Variants in FGF13 observed in about 807,000 individuals in gnomAD.
The protein encoded by FGF13 is fibroblast growth factor homologous factor 2.
Under a neutral mutation model 19.5 loss-of-function variants are expected in FGF13, and 2 were observed. That is an observed-to-expected ratio of 0.10 (90% confidence interval 0.04 to 0.32). The LOEUF is 0.32. FGF13 is among the 10% of genes least tolerant of loss of function. The pLI is 1.00. For missense variants in FGF13, 113 were observed against 192.7 expected (o/e 0.59, Z 2.45); for synonymous variants, 72 against 76.9 (o/e 0.94, Z 0.33).
chrX:139,021,124 C>T (rs1045177960), intron 1 of FGF13, among the ~76,000 whole-genome samples: 7 of 110,598 alleles, frequency 6.3e-5, no homozygotes, highest in African/African-American at 2.3e-4. Context: ...AGGCCAGCAA[C>T]CAAAAATAAT....
intron 1 of FGF13, among the ~76,000 whole-genome samples, chrX:138,923,780 T>C (rs1217781540): frequency 8.9e-6 from 1 of 111,971 alleles, no homozygotes; most frequent in Non-Finnish European, 1.9e-5. Flanking sequence ...TCTGGGCCTC[T>C]GTGCTTGCTG....
upstream of FGF13, chrX:139,204,274 A>G (rs937021282): frequency 1.5e-5 from 7 of 470,878 alleles, no homozygotes; most frequent in Admixed American, 2.3e-4. Context: ...GCCGCTGCCT[A>G]CGAGAGAGTG....
chrX:138,831,136 C>T (rs755529286), intron 3 of FGF13, among the ~76,000 whole-genome samples: 8 of 111,636 alleles, frequency 7.2e-5, no homozygotes, highest in African/African-American at 1.3e-4. Context: ...ATCCATGTGA[C>T]GCTAATTGTT....
chrX:138,962,362 T>C (rs1431030885), intron 1 of FGF13, among the ~76,000 whole-genome samples: 1 of 111,766 alleles, frequency 8.9e-6, no homozygotes, highest in African/African-American at 3.3e-5. Context: ...CTGGAGAGGA[T>C]GTGGAGAAAT....
chrX:139,003,058 G>A (rs749124756), intron 1 of FGF13, among the ~76,000 whole-genome samples: 1 of 112,395 alleles, frequency 8.9e-6, no homozygotes, highest in South Asian at 3.7e-4. Flanking sequence ...CGGAATTGGT[G>A]GGTTCTTGGT....
intron 3 of FGF13, among the ~76,000 whole-genome samples, chrX:138,779,775 C>A (rs1186143956): frequency 1.9e-5 from 2 of 106,326 alleles, no homozygotes; most frequent in Admixed American, 2.0e-4. Flanking sequence ...CCCAATCTAG[C>A]AAGGCAGGCC....
At chrX:139,040,312 A>C (rs1054736548) in intron 1 of FGF13, among the ~76,000 whole-genome samples, 1 of 112,074 alleles carries the variant, frequency 8.9e-6, no homozygotes, top group Non-Finnish European at 1.9e-5. Context: ...TTTGGAAACA[A>C]TATCCAGTCA....
At chrX:138,676,964 C>T (rs978824194) in intron 3 of FGF13, among the ~76,000 whole-genome samples, 12 of 112,286 alleles carry the variant, frequency 1.1e-4, no homozygotes, top group Non-Finnish European at 2.1e-4. Context: ...ATAAGGAATT[C>T]ACATTGCTAC....
intron 1 of FGF13, among the ~76,000 whole-genome samples, chrX:138,734,276 A>T (rs1181214525): frequency 8.9e-6 from 1 of 111,841 alleles, no homozygotes; most frequent in African/African-American, 3.2e-5. Context: ...TCATTTTGTC[A>T]TCTGTCTTAT....
chrX:139,037,229 C>G (rs745868715), intron 1 of FGF13, among the ~76,000 whole-genome samples: 1 of 111,366 alleles, frequency 9.0e-6, no homozygotes, highest in South Asian at 3.8e-4. Flanking sequence ...CTAGCTGCAT[C>G]ATGTGATAAC....
intron 1 of FGF13, among the ~76,000 whole-genome samples, chrX:139,013,483 A>ATATATATATATATT (rs2092138895): frequency 1.1e-3 from 1 of 914 alleles, no homozygotes; most frequent in African/African-American, 1.9e-3. Context: ...AAAATTTTAT[A>ATATATATATATATT]TATATATATA....
intron 1 of FGF13, among the ~76,000 whole-genome samples, chrX:138,864,999 T>C (rs1314520962): frequency 8.9e-6 from 1 of 111,882 alleles, no homozygotes; most frequent in Non-Finnish European, 1.9e-5. Flanking sequence ...AGACTGACTG[T>C]GGACCCCCAC....
At chrX:138,778,979 A>T (rs891498541) in intron 3 of FGF13, among the ~76,000 whole-genome samples, 1 of 112,517 alleles carries the variant, frequency 8.9e-6, no homozygotes, top group African/African-American at 3.2e-5. Context: ...GAGAACAGGC[A>T]GACTGCCTCC....
chrX:138,841,746 T>G (rs746210649), intron 3 of FGF13, among the ~76,000 whole-genome samples: 1 of 111,711 alleles, frequency 9.0e-6, no homozygotes, highest in Non-Finnish European at 1.9e-5. Context: ...TTTGGAGTAT[T>G]AATTTCTCTG....
intron 1 of FGF13, among the ~76,000 whole-genome samples, chrX:139,163,522 C>T (rs1187426907): frequency 8.1e-5 from 9 of 110,707 alleles, no homozygotes; most frequent in Non-Finnish European, 1.5e-4. Context: ...GCCCATGTAT[C>T]CCAGAACTTT....
chrX:139,150,296 T>C (rs912106612), intron 1 of FGF13, among the ~76,000 whole-genome samples: 6 of 112,067 alleles, frequency 5.4e-5, no homozygotes, highest in African/African-American at 1.6e-4. Flanking sequence ...ATTAGGAAGA[T>C]TCTAGGTTGC....
At chrX:138,847,501 G>A (rs1263320390) in intron 3 of FGF13, among the ~76,000 whole-genome samples, 1 of 111,698 alleles carries the variant, frequency 9.0e-6, no homozygotes, top group African/African-American at 3.3e-5. Flanking sequence ...GCACATGGGT[G>A]GAAGTGGACA....
At chrX:139,094,485 G>A (rs1159204815) in intron 1 of FGF13, among the ~76,000 whole-genome samples, 1 of 111,353 alleles carries the variant, frequency 9.0e-6, no homozygotes, top group Non-Finnish European at 1.9e-5. Context: ...TACAGTTGAG[G>A]GCTGCATAGT....
At chrX:138,780,852 C>T (rs2090635408) in intron 3 of FGF13, among the ~76,000 whole-genome samples, 1 of 110,780 alleles carries the variant, frequency 9.0e-6, no homozygotes, top group African/African-American at 3.3e-5. Flanking sequence ...CCCAAATCAA[C>T]AGAATATACA....
Sources: allele counts gnomAD v4.1 joint callset (sites outside exome capture counted in the v4.1 genomes callset), GRCh38; gene constraint gnomAD v4.1.1; transcripts MANE v1.5; gene names NCBI Gene and HGNC (gene_info 2026-07-23, HGNC 2026-07-21).